MAX: variants seen among roughly 807,000 people sequenced by gnomAD.
The protein encoded by MAX is protein max.
MAX carries 3 observed loss-of-function variants against 22.3 expected under a neutral mutation model. That is an observed-to-expected ratio of 0.13 (90% CI 0.06 to 0.35). The LOEUF is 0.35. MAX is among the 10% of genes least tolerant of loss of function. The pLI is 1.00. For synonymous variants in MAX, 72 were observed against 77.7 expected (o/e 0.93, Z 0.39); for missense variants, 119 against 209.4 (o/e 0.57, Z 2.66).
chr14:65,041,371 G>A (rs1319504977), intron 3 of MAX, among the ~76,000 whole-genome samples: 1 of 152,158 alleles, frequency 6.6e-6, no homozygotes, highest in East Asian at 1.9e-4. Flanking sequence ...GCATTGAGAA[G>A]GCAGCCCAAC....
rs1414977171 is a variant in MAX at position 65,082,961 on chromosome 14, G to A, written c.172-4925C>T. Among the ~76,000 whole-genome samples the A allele has an allele frequency of 1.3e-5, 2 of 152,180 alleles. No homozygotes were observed. The highest frequency in any genetic ancestry group is 4.8e-5 in the African/African-American group (2 of 41,446). Reference sequence around the variant, plus strand: ...ACCATCTGGTCTGGAGGGCAGAAGTGGAAGGTTAGGTGGGGGATGTCAGCT... The same window carrying A: ...ACCATCTGGTCTGGAGGGCAGAAGTAGAAGGTTAGGTGGGGGATGTCAGCT... On this transcript the variant is annotated intron_variant, in intron 3 of 4. Transcript: ENST00000358664. This position sits in a 1 kb window ranked among gnomAD's most constrained non-coding sequence, Gnocchi z 4.8.
At chr14:65,049,703 T>C (rs2062564387) in intron 3 of MAX, among the ~76,000 whole-genome samples, 2 of 152,196 alleles carry the variant, frequency 1.3e-5, no homozygotes, top group Admixed American at 6.5e-5. Flanking sequence ...AATAGTCTTT[T>C]ATTTGTTATA....
At chr14:65,061,539 C>T in intron 3 of MAX, 1 of 618,068 alleles carries the variant, frequency 1.6e-6, no homozygotes, top group Non-Finnish European at 2.6e-6. Context: ...ATCTATCAGC[C>T]CACGTGGTGT....
At chr14:65,017,133 G>C (rs1191993345) in intron 3 of MAX, among the ~76,000 whole-genome samples, 1 of 152,044 alleles carries the variant, frequency 6.6e-6, no homozygotes, top group Non-Finnish European at 1.5e-5. Flanking sequence ...ATATTGACCA[G>C]GCTGGTCTTG....
In MAX at chr14:65,012,191, C is replaced by A; in HGVS notation, c.172-5907G>T. 1 of 1,137,420 alleles carries A rather than the reference C, an allele frequency of 8.8e-7. No homozygotes were observed. The highest frequency in any genetic ancestry group is 1.4e-5 in the South Asian group (1 of 72,002). The allele number at this position is 1,137,420 out of a possible 1,614,324, so 70.5% of individuals were successfully genotyped here. On this transcript the variant is annotated intron_variant, in intron 3 of 3. Transcript: ENST00000341653. This position sits in a 1 kb window ranked among gnomAD's most constrained non-coding sequence, Gnocchi z 5.0. ...GGAACCAGAGAAGTTGCTGGTTATC[C>A]AGTCAGTGATTGCAGGGGGACGTCC...
Position 65,088,753 on chromosome 14 carries a change from C to G in MAX, c.171+4955G>C, listed in dbSNP as rs10143198. On this transcript the variant is annotated intron_variant, in intron 3 of 4. Coordinates refer to ENST00000358664, the MANE Select transcript of MAX (RefSeq NM_002382.5). The surrounding 1 kb of genome is among the most constrained non-coding windows in gnomAD (Gnocchi z 5.2). ...AAAGGAGACATTCTCCCTGCCTTCACGGTACTTATTGTAGTGTAGTGCCAG... is the reference window on the plus strand; with the variant it reads ...AAAGGAGACATTCTCCCTGCCTTCAGGGTACTTATTGTAGTGTAGTGCCAG... Among the ~76,000 whole-genome samples the G allele has an allele frequency of 6.6e-6, 1 of 152,042 alleles. No homozygotes were observed. Among genetic ancestry groups the G allele is most frequent in the Non-Finnish European group, 1.5e-5 (1 of 67,994 alleles).
chr14:65,044,663 C>G lies in MAX; in HGVS notation c.172-38379G>C, dbSNP rs574024095. ...ATTCTTTGCTTCTTCAAATTGGCTGCGACAGAATGAGCTTCCTTGAAATTG... is the reference window on the plus strand; with the variant it reads ...ATTCTTTGCTTCTTCAAATTGGCTGGGACAGAATGAGCTTCCTTGAAATTG... On this transcript the variant is annotated intron_variant, in intron 3 of 3. Transcript: ENST00000341653. The surrounding 1 kb of genome is among the most constrained non-coding windows in gnomAD (Gnocchi z 5.5). 1.4e-6 allele frequency: 1 copy of G among 693,794 alleles called. No homozygotes were observed. Among genetic ancestry groups the G allele is most frequent in the African/African-American group, 1.9e-5 (1 of 52,838 alleles). The allele number at this position is 693,794 out of a possible 1,614,324, so 43.0% of individuals were successfully genotyped here.
rs986201194 is a variant in MAX at position 65,047,549 on chromosome 14, G to T, written c.172-41265C>A. Among the ~76,000 whole-genome samples the T allele has an allele frequency of 6.6e-6, 1 of 152,190 alleles. No homozygotes were observed. Among genetic ancestry groups the T allele is most frequent in the African/African-American group, 2.4e-5 (1 of 41,434 alleles). ...TGTTGGGGAGAGTGTGAGAAAACAGGTAATTTGATAGTGGGGATGTAAATA... is the reference window on the plus strand; with the variant it reads ...TGTTGGGGAGAGTGTGAGAAAACAGTTAATTTGATAGTGGGGATGTAAATA... On this transcript the variant is annotated intron_variant, in intron 3 of 3. Transcript: ENST00000341653. The surrounding 1 kb of genome is among the most constrained non-coding windows in gnomAD (Gnocchi z 5.2).
Position 65,075,159 on chromosome 14 carries a change from T to C in MAX, c.*1317A>G, listed in dbSNP as rs2063026201. The C allele has an allele frequency of 1.9e-6, 2 of 1,028,928 alleles. No homozygotes were observed. The highest frequency in any genetic ancestry group is 2.3e-6 in the Non-Finnish European group (2 of 856,200). The allele number at this position is 1,028,928 out of a possible 1,614,324, so 63.7% of individuals were successfully genotyped here. ...AAATAAGTTTTTATTTATAGTCTTA[T>C]AGTAAAGGGGGAAGCCTTAACTTGC... On this transcript the variant is annotated 3_prime_UTR_variant, in exon 5 of 5. Coordinates refer to ENST00000358664, the MANE Select transcript of MAX (RefSeq NM_002382.5). The surrounding 1 kb of genome is among the most constrained non-coding windows in gnomAD (Gnocchi z 4.1).
At position 65,032,220 on chromosome 14, in the gene MAX, A is replaced by G. The variant is rs905983794; in HGVS notation, c.172-25936T>C. ...ACAGAAATCCTGGCTCTGAAACAGTACTAACATCCAAATGAATGAGCATAT... is the reference window on the plus strand; with the variant it reads ...ACAGAAATCCTGGCTCTGAAACAGTGCTAACATCCAAATGAATGAGCATAT... On this transcript the variant is annotated intron_variant, in intron 3 of 3. Coordinates refer to the MAX transcript ENST00000341653. The surrounding 1 kb of genome is among the most constrained non-coding windows in gnomAD (Gnocchi z 5.0). 1 of 162,190 alleles carries G rather than the reference A, an allele frequency of 6.2e-6. No homozygotes were observed. The highest frequency in any genetic ancestry group is 1.3e-5 in the Non-Finnish European group (1 of 74,720). 10.0% of individuals were successfully genotyped at this position (162,190 alleles called of 1,614,324 possible). A position where few individuals can be genotyped will look rare whatever the true frequency, so the allele number is the denominator to read the frequency against.
intron 3 of MAX, among the ~76,000 whole-genome samples, chr14:65,080,669 C>A (rs2063177342): frequency 6.6e-6 from 1 of 152,226 alleles, no homozygotes; most frequent in Non-Finnish European, 1.5e-5. Context: ...CTTTCCATCA[C>A]TGATGTAATT....
In MAX at chr14:65,011,373, A is replaced by G. The variant is rs1318730918; in HGVS notation, c.172-5089T>C. Among the ~76,000 whole-genome samples the G allele has an allele frequency of 6.6e-6, 1 of 151,116 alleles. No homozygotes were observed. Among genetic ancestry groups the G allele is most frequent in the Non-Finnish European group, 1.5e-5 (1 of 67,902 alleles). On this transcript the variant is annotated intron_variant, in intron 3 of 3. Coordinates refer to the MAX transcript ENST00000341653. The surrounding 1 kb of genome is among the most constrained non-coding windows in gnomAD (Gnocchi z 4.0). ...GAACCCAAGAGGTGGAGGTTGCAGT[A>G]AGCTGAAATCACACCACTGCACTCC...
chr14:65,048,503 T>C lies in MAX; in HGVS notation c.172-42219A>G, dbSNP rs775588773. Reference sequence around the variant, plus strand: ...AGTGACCATCAGTGGCTCCATGCCATTGACTACCTTCTATGTGTAAATGAC... The same window carrying C: ...AGTGACCATCAGTGGCTCCATGCCACTGACTACCTTCTATGTGTAAATGAC... On this transcript the variant is annotated intron_variant, in intron 3 of 3. Transcript: ENST00000341653. Among the ~76,000 whole-genome samples, 38 of 152,170 alleles carry C rather than the reference T, an allele frequency of 2.5e-4. 1 individual carries two copies. Among genetic ancestry groups the C allele is most frequent in the Non-Finnish European group, 4.4e-5 (3 of 68,010 alleles).
intron 3 of MAX, chr14:65,053,160 C>G: frequency 8.8e-7 from 1 of 1,133,216 alleles, no homozygotes; most frequent in Non-Finnish European, 1.1e-6. Context: ...ACTATTCCCC[C>G]AGGTGAGAAA....
chr14:65,101,506 T>C (rs1210652088), intron 2 of MAX, 40 bp downstream of exon 2: 3 of 1,575,044 alleles, frequency 1.9e-6, no homozygotes, highest in South Asian at 2.2e-5. Flanking sequence ...GGAATAGAAC[T>C]GAACGGAAAT....
downstream of MAX, among the ~76,000 whole-genome samples, chr14:65,073,398 C>T (rs2063009571): frequency 2.0e-5 from 3 of 152,174 alleles, no homozygotes; most frequent in African/African-American, 7.2e-5. Context: ...AGCTTAGATT[C>T]TTTACCTAAG....
chr14:65,075,452 G>A lies in MAX; in HGVS notation c.*1024C>T. 2 of 1,064,276 alleles carry A rather than the reference G, an allele frequency of 1.9e-6. No individual in the cohort carries two copies. The highest frequency in any genetic ancestry group is 2.3e-6 in the Non-Finnish European group (2 of 878,348). 65.9% of individuals were successfully genotyped at this position (1,064,276 alleles called of 1,614,324 possible). ...ATGAGGGCTGGGAAGGGTCCGCACTGGGGTGCGGGTTTAGTACCAGGTAAA... is the reference window on the plus strand; with the variant it reads ...ATGAGGGCTGGGAAGGGTCCGCACTAGGGTGCGGGTTTAGTACCAGGTAAA... On this transcript the variant is annotated 3_prime_UTR_variant, in exon 5 of 5. Transcript: ENST00000358664. The surrounding 1 kb of genome is among the most constrained non-coding windows in gnomAD (Gnocchi z 4.1).
rs990504688 is a variant in MAX at position 65,010,718 on chromosome 14, C to T, written c.172-4434G>A. Among the ~76,000 whole-genome samples the T allele has an allele frequency of 9.2e-5, 14 of 152,152 alleles. No individual in the cohort carries two copies. The East Asian group carries it at 2.5e-3, about 27-fold the overall frequency. On this transcript the variant is annotated intron_variant, in intron 3 of 3. Coordinates refer to the MAX transcript ENST00000341653. ...TGCCTAGTAAATTGAGTAGAAATGC[C>T]TTAGTCAGCATCCCAGATCCTTGTT...
At position 65,014,027 on chromosome 14, in the gene MAX, C is replaced by G. The variant is rs1025311649; in HGVS notation, c.172-7743G>C. Among the ~76,000 whole-genome samples, 4 of 152,186 alleles carry G rather than the reference C, an allele frequency of 2.6e-5. No homozygotes were observed. The highest frequency in any genetic ancestry group is 2.0e-4 in the Admixed American group (3 of 15,288). Reference sequence around the variant, plus strand: ...GGCAGTGTCTTCAGTAGCTCACCAGCCTACCTTCCAGGTGGTGGGTTAGCC... The same window carrying G: ...GGCAGTGTCTTCAGTAGCTCACCAGGCTACCTTCCAGGTGGTGGGTTAGCC... On this transcript the variant is annotated intron_variant, in intron 3 of 3. Coordinates refer to the MAX transcript ENST00000341653. This position sits in a 1 kb window ranked among gnomAD's most constrained non-coding sequence, Gnocchi z 5.1.
Sources: gnomAD v4.1 joint callset for allele counts (sites outside exome capture counted in the v4.1 genomes callset) on GRCh38, gnomAD v4.1.1 for gene constraint, Gnocchi (gnomAD v3.1) non-coding constraint, MANE v1.5 for transcripts, NCBI Gene and HGNC (gene_info 2026-07-23, HGNC 2026-07-21) for gene names.